TMEM132C: variants seen among roughly 807,000 people sequenced by gnomAD.
TMEM132C encodes the protein transmembrane protein 132C, also known as protein phosphatase 1, regulatory subunit 152.
In TMEM132C, 29 loss-of-function variants were observed where a neutral mutation model predicts 61.4. The observed-to-expected ratio is 0.47, with a 90% CI of 0.35 to 0.64. The LOEUF (loss-of-function observed/expected upper bound fraction) is 0.64. Ranked by LOEUF, TMEM132C falls within the 30% of genes least tolerant of loss-of-function variation. TMEM132C has a pLI of 0.00. For missense variants in TMEM132C, 1,408 were observed against 1,476.9 expected, an observed-to-expected ratio of 0.95 and a Z score of 0.76; for synonymous variants, 656 against 633.1, an observed-to-expected ratio of 1.04 and a Z score of -0.54.
intron 3 of TMEM132C, among the ~76,000 whole-genome samples, chr12:128,551,975 A>T (rs1386698807): frequency 1.3e-5 from 2 of 152,188 alleles, no homozygotes; most frequent in African/African-American, 4.8e-5. Context: ...TTCAGGGAAA[A>T]TGCTAAAACT....
chr12:128,353,880 T>G (rs1416640538), intron 1 of TMEM132C, among the ~76,000 whole-genome samples: 1 of 152,210 alleles, frequency 6.6e-6, no homozygotes, highest in East Asian at 1.9e-4. Flanking sequence ...TGCTGCTTCC[T>G]CGTATCACGG....
intron 4 of TMEM132C, among the ~76,000 whole-genome samples, chr12:128,659,830 G>A (rs998016051): frequency 7.9e-5 from 12 of 152,228 alleles, no homozygotes; most frequent in African/African-American, 2.9e-4. Context: ...CCAGTCCAGG[G>A]TGAGACAGGC....
Position 128,706,198 on chromosome 12 carries a change from G to A in TMEM132C, c.3230G>A (p.Ser1077Asn), listed in dbSNP as rs1954839156. 2.6e-6 allele frequency: 4 copies of A among 1,551,796 alleles called. No individual in the cohort carries two copies. Among genetic ancestry groups the A allele is most frequent in the South Asian group, 1.2e-5 (1 of 84,060 alleles). The change falls in exon 9 of 9, where the codon AGC (serine) becomes AAC (asparagine). Residue 1077 changes from serine (S) to asparagine (N), a missense_variant. Coordinates refer to ENST00000435159, the MANE Select transcript of TMEM132C (RefSeq NM_001136103.3). ...SCPTVNSIVS[S>N]NDEDIKWVCQ... ...CCCACGGTGAACTCCATCGTCAGCA[G>A]CAATGATGAGGACATCAAATGGGTG...
chr12:128,552,240 C>T (rs1874199162), intron 3 of TMEM132C, among the ~76,000 whole-genome samples: 1 of 152,222 alleles, frequency 6.6e-6, no homozygotes, highest in African/African-American at 2.4e-5. Flanking sequence ...CTGTTAACAT[C>T]TCTTCCAGAA....
chr12:128,616,012 T>A (rs1876787766), intron 3 of TMEM132C, 140 bp from the exon 4 acceptor site: 14 of 1,015,158 alleles, frequency 1.4e-5, no homozygotes, highest in Non-Finnish European at 2.0e-5. Context: ...GGTGGTTCCA[T>A]GCCCCAGGAT....
intron 6 of TMEM132C, among the ~76,000 whole-genome samples, chr12:128,695,337 T>C (rs978800118): frequency 2.6e-5 from 4 of 151,664 alleles, no homozygotes; most frequent in African/African-American, 9.7e-5. Flanking sequence ...CTGGGCAACA[T>C]AGCAAGACCC....
intron 1 of TMEM132C, among the ~76,000 whole-genome samples, chr12:128,365,577 G>C (rs1299443052): frequency 6.6e-6 from 1 of 152,054 alleles, no homozygotes; most frequent in East Asian, 1.9e-4. Context: ...TTTTCTTAGA[G>C]CCGGAAAGCA....
chr12:128,463,508 G>A (rs1251633329), intron 2 of TMEM132C, among the ~76,000 whole-genome samples: 2 of 152,044 alleles, frequency 1.3e-5, no homozygotes, highest in African/African-American at 2.4e-5. Flanking sequence ...TAGTAGAGAT[G>A]GGGTTTCGTC....
chr12:128,508,179 G>A (rs945355268), intron 2 of TMEM132C, among the ~76,000 whole-genome samples: 2 of 152,154 alleles, frequency 1.3e-5, no homozygotes, highest in Non-Finnish European at 2.9e-5. Context: ...GGCAGAAGGC[G>A]ATGAGGGAAT....
Position 128,705,379 on chromosome 12 carries a change from C to T in TMEM132C, c.2411C>T (p.Ala804Val), listed in dbSNP as rs1210955271. The T allele has an allele frequency of 6.4e-7, 1 of 1,551,204 alleles. No homozygotes were observed. Among genetic ancestry groups the T allele is most frequent in the Non-Finnish European group, 8.7e-7 (1 of 1,147,010 alleles). The change falls in exon 9 of 9, where the codon GCT becomes GTT. Residue 804 changes from alanine (A) to valine (V), a missense_variant. Coordinates refer to ENST00000435159, the MANE Select transcript of TMEM132C (RefSeq NM_001136103.3). Reference protein sequence around the residue: ...NVRVKFGQNDADSSPGGDYEE... With the variant: ...NVRVKFGQNDVDSSPGGDYEE... Reference sequence around the variant, plus strand: ...AGGGTCAAGTTCGGACAGAACGATGCTGACTCCAGCCCCGGCGGGGACTAT... The same window carrying T: ...AGGGTCAAGTTCGGACAGAACGATGTTGACTCCAGCCCCGGCGGGGACTAT...
chr12:128,626,989 C>A (rs1368692997), intron 4 of TMEM132C, among the ~76,000 whole-genome samples: 1 of 152,182 alleles, frequency 6.6e-6, no homozygotes, highest in Non-Finnish European at 1.5e-5. Context: ...CTAGTAAGCA[C>A]CTACTGTGTG....
At chr12:128,506,449 G>A (rs1015261807) in intron 2 of TMEM132C, among the ~76,000 whole-genome samples, 4 of 152,164 alleles carry the variant, frequency 2.6e-5, no homozygotes, top group African/African-American at 4.8e-5. Flanking sequence ...ATGACTGCAC[G>A]GCTGCCTCAA....
chr12:128,551,472 G>A (rs1263100182), intron 3 of TMEM132C, among the ~76,000 whole-genome samples: 1 of 152,170 alleles, frequency 6.6e-6, no homozygotes, highest in Admixed American at 6.5e-5. Flanking sequence ...CACCCTGGGA[G>A]AGGTCTGAGC....
At chr12:128,469,527 G>A (rs1870860993) in intron 2 of TMEM132C, among the ~76,000 whole-genome samples, 1 of 151,932 alleles carries the variant, frequency 6.6e-6, no homozygotes, top group South Asian at 2.1e-4. Context: ...ATGTTGCCCA[G>A]GCTGATCTCA....
chr12:128,682,314 T>C (rs1286260264), intron 5 of TMEM132C, among the ~76,000 whole-genome samples: 1 of 152,174 alleles, frequency 6.6e-6, no homozygotes, highest in Non-Finnish European at 1.5e-5. Context: ...TGTCGCCTGA[T>C]TGTTCCCTGT....
chr12:128,667,220 T>C (rs765373009), intron 4 of TMEM132C, among the ~76,000 whole-genome samples: 17 of 152,176 alleles, frequency 1.1e-4, no homozygotes, highest in Admixed American at 4.6e-4. Flanking sequence ...TGTGTGTGTG[T>C]GCGCATGTGT....
intron 4 of TMEM132C, among the ~76,000 whole-genome samples, chr12:128,618,156 A>G (rs553040666): frequency 1.1e-4 from 16 of 152,308 alleles, no homozygotes; most frequent in Admixed American, 3.3e-4. Flanking sequence ...CTGGATTACA[A>G]GTGTTCAGTT....
intron 5 of TMEM132C, among the ~76,000 whole-genome samples, chr12:128,686,514 G>T (rs1156410676): frequency 6.6e-6 from 1 of 152,116 alleles, no homozygotes; most frequent in Non-Finnish European, 1.5e-5. Flanking sequence ...GATTGCTTGA[G>T]CCCAGGACTT....
chr12:128,492,054 A>G (rs1195375417), intron 2 of TMEM132C, among the ~76,000 whole-genome samples: 2 of 151,930 alleles, frequency 1.3e-5, no homozygotes, highest in Non-Finnish European at 1.5e-5. Flanking sequence ...CCTGTGTCCA[A>G]GCATTCTCAT....
Sources: allele counts gnomAD v4.1 joint callset (sites outside exome capture counted in the v4.1 genomes callset), GRCh38; gene constraint gnomAD v4.1.1; transcripts MANE v1.5; gene names NCBI Gene and HGNC (gene_info 2026-07-23, HGNC 2026-07-21).